GSTA1: variants seen among roughly 807,000 people sequenced by gnomAD.
The protein encoded by GSTA1 is glutathione S-transferase A1.
A neutral mutation model predicts 21.5 loss-of-function variants in GSTA1; 23 were observed. The observed-to-expected ratio is 1.07, with a 90% CI of 0.77 to 1.52. The LOEUF (loss-of-function observed/expected upper bound fraction) is 1.52. Among genes scored for constraint, GSTA1 ranks in the 40% most tolerant of loss-of-function variants. The probability of loss-of-function intolerance (pLI) is 0.00; values close to 1 mark genes in which losing one functional copy is unlikely to be tolerated. For missense variants in GSTA1, 301 were observed against 264.2 expected (o/e 1.14, Z -0.96); for synonymous variants, 125 against 90.0 (o/e 1.39, Z -2.20).
At position 52,794,123 on chromosome 6, in the gene GSTA1, AC is replaced by A. The variant is rs1293435367; in HGVS notation, c.414+1del. On this transcript the variant is annotated splice_donor_variant, in intron 5 of 6. Transcript: ENST00000334575. LOFTEE classifies it high-confidence loss of function. ...CCCAAAACACTGAACTGCTTCACTT[AC>A]TTTTTCAAAGGCAGGGAAGTAGCGA... 8 of 1,613,812 alleles carry A rather than the reference AC, an allele frequency of 5.0e-6. 1 individual carries two copies. In the South Asian group the frequency reaches 7.7e-5, roughly 16 times the overall value.
intron 4 of GSTA1, among the ~76,000 whole-genome samples, chr6:52,794,993 GTATATTATAC>G (rs1763542893): frequency 6.6e-6 from 1 of 152,126 alleles, no homozygotes; most frequent in African/African-American, 2.4e-5. Context: ...TTGCCACCAG[GTATATTATAC>G]TATTGAGTGG....
At chr6:52,797,087 A>T (rs1763609531) in intron 3 of GSTA1, among the ~76,000 whole-genome samples, 1 of 152,116 alleles carries the variant, frequency 6.6e-6, no homozygotes. Context: ...TGGTGTTGTG[A>T]CATTTAAGGC....
At chr6:52,792,364 A>G (rs550785948) in intron 6 of GSTA1, among the ~76,000 whole-genome samples, 5 of 152,352 alleles carry the variant, frequency 3.3e-5, no homozygotes, top group Non-Finnish European at 7.3e-5. Flanking sequence ...TATAGAAAAT[A>G]TTAAAGACAA....
At chr6:52,799,135 A>G in intron 2 of GSTA1, 46 bp downstream of exon 2, 1 of 1,551,348 alleles carries the variant, frequency 6.4e-7, no homozygotes, top group Non-Finnish European at 8.9e-7. Context: ...AGTATGTGAT[A>G]ACACAATTTT....
chr6:52,798,994 G>A (rs1763649040), intron 2 of GSTA1, among the ~76,000 whole-genome samples, 187 bp downstream of exon 2: 1 of 152,130 alleles, frequency 6.6e-6, no homozygotes, highest in South Asian at 2.1e-4. Flanking sequence ...ATTTTAATAT[G>A]TTTGCTTTTA....
At chr6:52,797,664 C>A in intron 2 of GSTA1, 27 bp from the exon 3 acceptor site, 1 of 1,572,716 alleles carries the variant, frequency 6.4e-7, no homozygotes, top group Non-Finnish European at 8.7e-7. Context: ...TAAATACGTT[C>A]TTGTTAGTTC....
Position 52,791,515 on chromosome 6 carries a change from G to A in GSTA1, c.*343C>T, listed in dbSNP as rs1763453298. On this transcript the variant is annotated 3_prime_UTR_variant, in exon 7 of 7. Transcript: ENST00000334575. ...AATGTCAGAAGTGCATTTCTACATT[G>A]ACATTTTAATAGATTGTATGACAAA... 4.3e-6 allele frequency: 1 copy of A among 229,934 alleles called. No homozygotes were observed. Among genetic ancestry groups the A allele is most frequent in the Non-Finnish European group, 8.4e-6 (1 of 118,554 alleles). The allele number at this position is 229,934 out of a possible 1,614,324, so 14.2% of individuals were successfully genotyped here. A position where few individuals can be genotyped will look rare whatever the true frequency, so the allele number is the denominator to read the frequency against.
intron 3 of GSTA1, among the ~76,000 whole-genome samples, chr6:52,796,541 ATATTTTT>A (rs1763593431): frequency 8.7e-5 from 3 of 34,292 alleles, no homozygotes; most frequent in African/African-American, 2.1e-4. Context: ...ATATATATAT[ATATTTTT>A]TTTTTTTTTT....
chr6:52,793,790 C>T lies in GSTA1; in HGVS notation c.414+335G>A, dbSNP rs377760676. On this transcript the variant is annotated intron_variant, in intron 5 of 6. Transcript: ENST00000334575. The stretch of plus-strand genomic sequence containing the variant: ...GGATCGCTTTCATCATGCCCCTGTT[C>T]AGTCAAAGTCCATGGGGTTCCATAG... Among the ~76,000 whole-genome samples, 268 of 152,260 alleles carry T rather than the reference C, an allele frequency of 1.8e-3. 12 individuals carry two copies. In the South Asian group the frequency reaches 0.053, roughly 30 times the overall value.
At chr6:52,798,029 C>A (rs538228727) in intron 2 of GSTA1, among the ~76,000 whole-genome samples, 62 of 152,268 alleles carry the variant, frequency 4.1e-4, no homozygotes, top group East Asian at 1.9e-3. Context: ...ATGAGGCATG[C>A]CATGGGCTAA....
chr6:52,792,579 T>C (rs573771832), intron 6 of GSTA1: 9 of 581,478 alleles, frequency 1.5e-5, no homozygotes, highest in East Asian at 1.0e-4. Context: ...AGAAACCACA[T>C]TGAAATAGAG....
At chr6:52,795,385 T>G (rs1338423036) in intron 4 of GSTA1, among the ~76,000 whole-genome samples, 1 of 152,248 alleles carries the variant, frequency 6.6e-6, no homozygotes, top group Non-Finnish European at 1.5e-5. Context: ...ATTTGAGTTG[T>G]TTCCACTTTT....
intron 5 of GSTA1, among the ~76,000 whole-genome samples, chr6:52,793,711 G>A (rs1763511795): frequency 6.6e-6 from 1 of 152,092 alleles, no homozygotes; most frequent in Non-Finnish European, 1.5e-5. Context: ...GTATTCTCTG[G>A]TTGGGCAATT....
At chr6:52,794,954 C>A (rs1350792748) in intron 4 of GSTA1, among the ~76,000 whole-genome samples, 2 of 152,166 alleles carry the variant, frequency 1.3e-5, no homozygotes, top group Admixed American at 6.5e-5. Flanking sequence ...AAAACAAGAA[C>A]TTTATTGATG....
chr6:52,793,895 T>C (rs1331928223), intron 5 of GSTA1, among the ~76,000 whole-genome samples: 7 of 152,144 alleles, frequency 4.6e-5, no homozygotes, highest in Admixed American at 1.3e-4. Context: ...GGTAATTCCA[T>C]GTTGGGGTCC....
rs374431368 is a variant in GSTA1 at position 52,794,147 on chromosome 6, C to A, written c.392G>T (p.Arg131Leu). 1 of 1,613,886 alleles carries A rather than the reference C, an allele frequency of 6.2e-7. No homozygotes were observed. The highest frequency in any genetic ancestry group is 8.5e-7 in the Non-Finnish European group (1 of 1,179,880). Residue 131 changes from arginine to leucine, a missense_variant, in exon 5 of 7, where the codon CGC becomes CTC. Arg to Leu is a moderately radical substitution (Grantham distance 102). Coordinates refer to ENST00000334575, the MANE Select transcript of GSTA1 (RefSeq NM_145740.5). ...LALIKEKIKN[R>L]YFPAFEKVLK... is the part of the protein sequence containing the mutation. The stretch of plus-strand genomic sequence containing the variant: ...TACTTTTTCAAAGGCAGGGAAGTAG[C>A]GATTTTTTATTTTCTCTTTGATCAA...
At chr6:52,799,143 T>C (rs187801243) in intron 2 of GSTA1, 38 bp downstream of exon 2, 34 of 1,587,884 alleles carry the variant, frequency 2.1e-5, no homozygotes, top group Middle Eastern at 3.3e-4. Flanking sequence ...ATAACACAAT[T>C]TTAAATCCAA....
At chr6:52,796,529 G>GTATATATA (rs1561912876) in intron 3 of GSTA1, among the ~76,000 whole-genome samples, 3 of 56,614 alleles carry the variant, frequency 5.3e-5, no homozygotes, top group East Asian at 7.1e-4. Context: ...GTGTGTGTGT[G>GTATATATA]TATATATATA....
At chr6:52,799,626 G>A (rs1379121122) in intron 1 of GSTA1, among the ~76,000 whole-genome samples, 3 of 152,208 alleles carry the variant, frequency 2.0e-5, no homozygotes, top group African/African-American at 4.8e-5. Context: ...AAACTTCCTA[G>A]TGATCCTTCC....
Sources: allele counts gnomAD v4.1 joint callset (sites outside exome capture counted in the v4.1 genomes callset), GRCh38; gene constraint gnomAD v4.1.1; transcripts MANE v1.5; gene names NCBI Gene and HGNC (gene_info 2026-07-23, HGNC 2026-07-21).